AGBL1: variants seen among roughly 807,000 people sequenced by gnomAD.
AGBL1 encodes the protein AGBL carboxypeptidase 1, also known as cytosolic carboxypeptidase 4.
AGBL1 carries 130 observed loss-of-function variants against 118.9 expected under a neutral mutation model. That is an observed-to-expected ratio of 1.09 (90% CI 0.95 to 1.26). AGBL1 has a LOEUF of 1.26. AGBL1 is among the 50% of genes most tolerant of loss of function. The pLI is 0.00. For missense variants in AGBL1, 1,584 were observed against 1,298.1 expected, an observed-to-expected ratio of 1.22 and a Z score of -3.38; for synonymous variants, 555 against 478.9, an observed-to-expected ratio of 1.16 and a Z score of -2.08.
intron 5 of AGBL1, among the ~76,000 whole-genome samples, chr15:86,214,485 T>C (rs1477248263): frequency 6.6e-6 from 1 of 152,260 alleles, no homozygotes; most frequent in Non-Finnish European, 1.5e-5. Flanking sequence ...TGTACATCCA[T>C]GTATAATGGA....
At chr15:86,618,865 G>C (rs1324420631) in intron 21 of AGBL1, among the ~76,000 whole-genome samples, 1 of 152,066 alleles carries the variant, frequency 6.6e-6, no homozygotes, top group African/African-American at 2.4e-5. Flanking sequence ...TCCCTATTTT[G>C]CTGGACCCTC....
At chr15:86,541,042 G>C (rs1266699378) in intron 19 of AGBL1, among the ~76,000 whole-genome samples, 1 of 152,192 alleles carries the variant, frequency 6.6e-6, no homozygotes, top group African/African-American at 2.4e-5. Context: ...TGGCTTTATT[G>C]AGAAATCTGT....
chr15:86,497,245 G>A (rs1339177768), intron 18 of AGBL1, among the ~76,000 whole-genome samples: 1 of 151,784 alleles, frequency 6.6e-6, no homozygotes, highest in Non-Finnish European at 1.5e-5. Context: ...TCTTTCTAAA[G>A]TACATCCTTT....
At chr15:86,791,751 T>TATATATATATATATATATATATATATA (rs1596484565) in intron 22 of AGBL1, among the ~76,000 whole-genome samples, 2 of 149,412 alleles carry the variant, frequency 1.3e-5, no homozygotes, top group African/African-American at 4.9e-5. Context: ...TATATATATA[T>TATATATATATATATATATATATATATA]TTTGAGACAG....
intron 5 of AGBL1, among the ~76,000 whole-genome samples, chr15:86,223,247 G>A (rs1437875324): frequency 2.0e-5 from 3 of 152,148 alleles, no homozygotes; most frequent in African/African-American, 7.2e-5. Flanking sequence ...AAAGTGCAAT[G>A]GAAATTAGAA....
intron 18 of AGBL1, among the ~76,000 whole-genome samples, chr15:86,474,630 G>A (rs928694205): frequency 7.2e-5 from 11 of 152,248 alleles, no homozygotes; most frequent in South Asian, 6.2e-4. Flanking sequence ...GCCTGCGTCT[G>A]TAGGCTCCAC....
At chr15:86,738,420 G>GA (rs71947851) in intron 22 of AGBL1, among the ~76,000 whole-genome samples, 29,419 of 150,610 alleles carry the variant, frequency 0.2, 3,300 homozygotes, top group African/African-American at 0.31. Context: ...ATCCAAATTG[G>GA]AAAAAAAAAG....
downstream of AGBL1, among the ~76,000 whole-genome samples, chr15:87,029,304 T>C (rs2081764252): frequency 2.0e-5 from 3 of 151,806 alleles, no homozygotes; most frequent in Admixed American, 2.0e-4. Context: ...CTGAAACAAC[T>C]CATTTATCCA....
chr15:86,873,560 T>C (rs982554099), intron 22 of AGBL1, among the ~76,000 whole-genome samples: 3 of 151,880 alleles, frequency 2.0e-5, no homozygotes, highest in African/African-American at 7.3e-5. Flanking sequence ...CTTTGGGGAG[T>C]GGGGCCTTCA....
At chr15:86,245,464 G>A (rs902124019) in intron 6 of AGBL1, among the ~76,000 whole-genome samples, 1 of 152,152 alleles carries the variant, frequency 6.6e-6, no homozygotes, top group African/African-American at 2.4e-5. Context: ...GCAGGTTAGA[G>A]CCCTGCAATG....
chr15:86,145,011 G>C (rs1023645785), intron 3 of AGBL1, among the ~76,000 whole-genome samples: 1 of 152,052 alleles, frequency 6.6e-6, no homozygotes, highest in Non-Finnish European at 1.5e-5. Context: ...CTCCTCTGAG[G>C]GTTGCCAGAA....
chr15:86,727,513 A>G (rs927101789), intron 22 of AGBL1, among the ~76,000 whole-genome samples: 1 of 152,170 alleles, frequency 6.6e-6, no homozygotes, highest in East Asian at 1.9e-4. Context: ...AAAGAAATGT[A>G]TAGGGATAGT....
At chr15:86,818,818 G>C (rs1325346096) in intron 22 of AGBL1, among the ~76,000 whole-genome samples, 2 of 152,108 alleles carry the variant, frequency 1.3e-5, no homozygotes, top group East Asian at 1.9e-4. Flanking sequence ...GCCTCTTTTA[G>C]GCTGGGAGAC....
intron 23 of AGBL1, among the ~76,000 whole-genome samples, chr15:86,978,909 GGCAGAAAACTGAC>G (rs2141718142): frequency 6.6e-6 from 1 of 152,270 alleles, no homozygotes; most frequent in Admixed American, 6.5e-5. Flanking sequence ...GGAGAATTGA[GGCAGAAAACTGAC>G]AGGAATCATT....
chr15:86,384,854 G>T (rs2081161114), intron 17 of AGBL1, among the ~76,000 whole-genome samples: 1 of 152,142 alleles, frequency 6.6e-6, no homozygotes, highest in African/African-American at 2.4e-5. Flanking sequence ...TTTTGAAATT[G>T]GATAGTTTTG....
In AGBL1 at chr15:86,909,497, C is replaced by G. The variant is rs1049759240; in HGVS notation, c.*2203C>G. 3 of 152,156 alleles carry G rather than the reference C, an allele frequency of 2.0e-5. No homozygotes were observed. The highest frequency in any genetic ancestry group is 4.4e-5 in the Non-Finnish European group (3 of 68,030). 9.4% of individuals were successfully genotyped at this position (152,156 alleles called of 1,614,324 possible). A position where few individuals can be genotyped will look rare whatever the true frequency, so the allele number is the denominator to read the frequency against. The stretch of plus-strand genomic sequence containing the variant: ...GAGTTGATAACATTATTAATAGTCT[C>G]TTATTTTTTTAACTCTTTTCCAAGT... On this transcript the variant is annotated 3_prime_UTR_variant, in exon 23 of 23. Coordinates refer to ENST00000614907, the MANE Select transcript of AGBL1 (RefSeq NM_001386094.1).
At chr15:86,870,944 C>T (rs532206204) in intron 22 of AGBL1, among the ~76,000 whole-genome samples, 3 of 152,246 alleles carry the variant, frequency 2.0e-5, no homozygotes, top group African/African-American at 7.2e-5. Flanking sequence ...ATTCCTTAGT[C>T]GACTTGACAG....
At chr15:86,742,081 C>G (rs141420839) in intron 22 of AGBL1, among the ~76,000 whole-genome samples, 1 of 151,664 alleles carries the variant, frequency 6.6e-6, no homozygotes, top group East Asian at 1.9e-4. Context: ...GTTGAGAGGC[C>G]GGCAGTGACT....
At chr15:86,705,260 A>G (rs560077655) in intron 22 of AGBL1, among the ~76,000 whole-genome samples, 7 of 152,174 alleles carry the variant, frequency 4.6e-5, no homozygotes, top group Non-Finnish European at 8.8e-5. Flanking sequence ...CTGTATAACA[A>G]ACATGCATGT....
Sources: gnomAD v4.1 joint callset for allele counts (sites outside exome capture counted in the v4.1 genomes callset) on GRCh38, gnomAD v4.1.1 for gene constraint, MANE v1.5 for transcripts, NCBI Gene and HGNC (gene_info 2026-07-23, HGNC 2026-07-21) for gene names.